COL6A2: variants seen among roughly 807,000 people sequenced by gnomAD.
COL6A2 encodes collagen type VI alpha 2 chain, also known as collagen alpha-2(VI) chain.
COL6A2 carries 90 observed loss-of-function variants against 124.9 expected under a neutral mutation model. The ratio of observed to expected loss-of-function variants is 0.72; its 90% CI spans 0.61 to 0.86. The LOEUF is 0.86. COL6A2 is among the 40% of genes least tolerant of loss of function. The pLI is 0.00. For synonymous variants in COL6A2, 793 were observed against 618.2 expected, an observed-to-expected ratio of 1.28 and a Z score of -4.19; for missense variants, 1,607 against 1,502.5, an observed-to-expected ratio of 1.07 and a Z score of -1.15.
At chr21:46,129,185 C>G in intron 27 of COL6A2, 1 of 1,612,844 alleles carries the variant, frequency 6.2e-7, no homozygotes, top group Non-Finnish European at 8.5e-7. Context: ...TCTCTGGACG[C>G]TCCCTTGCAG....
chr21:46,128,890 G>A (rs1485778281), intron 27 of COL6A2: 1 of 1,608,624 alleles, frequency 6.2e-7, no homozygotes, highest in Non-Finnish European at 8.5e-7. Flanking sequence ...AGTTTGGCCT[G>A]TCTCCGGCAC....
At chr21:46,099,455 C>CAAAAAAA (rs35690093) in intron 1 of COL6A2, among the ~76,000 whole-genome samples, 1 of 68,698 alleles carries the variant, frequency 1.5e-5, no homozygotes. Flanking sequence ...GAGACTGTCT[C>CAAAAAAA]AAAAAAAAAA....
intron 15 of COL6A2, among the ~76,000 whole-genome samples, chr21:46,120,138 C>CACCCCCGGCCCACTGAGGCACCG (rs2078540155): frequency 6.7e-6 from 1 of 150,288 alleles, no homozygotes; most frequent in Non-Finnish European, 1.5e-5. Flanking sequence ...CACTGAGGCA[C>CACCCCCGGCCCACTGAGGCACCG]CTCTTACCCC....
chr21:46,113,085 C>T (rs1308197001), intron 4 of COL6A2: 30 of 586,142 alleles, frequency 5.1e-5, no homozygotes, highest in South Asian at 3.0e-4. Flanking sequence ...GTCTGGCCTC[C>T]GGGCAGGTGG....
In COL6A2 at chr21:46,099,889, C is replaced by CG. The variant is rs1345870090; in HGVS notation, c.-28+1716_-28+1717insG. 3.8e-3 allele frequency among the ~76,000 whole-genome samples: 346 copies of CG among 91,834 alleles called. 15 individuals are homozygous for CG. Among genetic ancestry groups the CG allele is most frequent in the African/African-American group, 4.3e-3 (111 of 26,046 alleles). The allele number at this position is 91,834 out of a possible 152,430, so 60.2% of individuals were successfully genotyped here. On this transcript the variant is annotated intron_variant, in intron 1 of 27. Transcript: ENST00000300527. ...TCTCCACAATGGATAGCAGCACTGT[C>CG]TTTTTTTTTTTTTTTTTTTTTTTCT...
Position 46,126,534 on chromosome 21 carries a change from C to T in COL6A2, c.2454C>T (p.Cys818=), listed in dbSNP as rs199499499. The part of the protein sequence containing the change: ...DPQIVCPDLP[C]QTELSVAQCT... The stretch of plus-strand genomic sequence containing the variant: ...AGATCGTGTGCCCAGACCTTCCCTG[C>T]CAAACAGGTAATGCAGGGCACCCTG... Residue 818 remains cysteine (C), a synonymous_variant, in exon 27 of 28, where the codon TGC becomes TGT. Coordinates refer to ENST00000300527, the MANE Select transcript of COL6A2 (RefSeq NM_001849.4). 4.2e-5 allele frequency: 67 copies of T among 1,613,470 alleles called. No individual in the cohort carries two copies. The highest frequency in any genetic ancestry group is 2.5e-4 in the Admixed American group (15 of 60,018).
intron 27 of COL6A2, among the ~76,000 whole-genome samples, chr21:46,127,413 G>A (rs1454233687): frequency 1.3e-5 from 2 of 152,156 alleles, no homozygotes; most frequent in African/African-American, 4.8e-5. Flanking sequence ...TGCCCCAGGG[G>A]AGGAGCCGTG....
chr21:46,116,566 C>A lies in COL6A2; in HGVS notation c.928-85C>A. 6.2e-7 allele frequency: 1 copy of A among 1,602,200 alleles called. No homozygotes were observed. On this transcript the variant is annotated intron_variant, in intron 8 of 27. Transcript: ENST00000300527. The surrounding 1 kb of genome is among the most constrained non-coding windows in gnomAD (Gnocchi z 4.6). ...GGGGGTCCTGTGGCCTTGAGTTTGG[C>A]CCAAGGGCTTTGCCCCCCAGAGGCA...
At chr21:46,114,728 C>T (rs1460925614) in intron 5 of COL6A2, among the ~76,000 whole-genome samples, 1 of 152,102 alleles carries the variant, frequency 6.6e-6, no homozygotes, top group Non-Finnish European at 1.5e-5. Flanking sequence ...GTTTGAATGT[C>T]CCCTGCATTT....
chr21:46,124,625 G>A (rs1357470683), intron 21 of COL6A2, 26 bp from the exon 22 acceptor site: 2 of 1,612,062 alleles, frequency 1.2e-6, no homozygotes, highest in Non-Finnish European at 1.7e-6. Context: ...GGCCACTGAA[G>A]CCCACCTGTT....
At chr21:46,121,745 G>A (rs1568934706) in intron 18 of COL6A2, 127 bp downstream of exon 18, 1 of 918,684 alleles carries the variant, frequency 1.1e-6, no homozygotes, top group African/African-American at 1.6e-5. Context: ...TGTGCCTCCT[G>A]TTCTCAGCTC....
intron 27 of COL6A2, chr21:46,129,799 C>G (rs1306808976): frequency 8.1e-7 from 1 of 1,227,336 alleles, no homozygotes; most frequent in Non-Finnish European, 1.0e-6. Flanking sequence ...ACCCTTAACT[C>G]ACTCCCGTCT....
intron 21 of COL6A2, among the ~76,000 whole-genome samples, chr21:46,123,308 C>T (rs555613864): frequency 3.3e-5 from 5 of 151,032 alleles, no homozygotes; most frequent in South Asian, 4.2e-4. Flanking sequence ...GAGTCCCCTC[C>T]CCCAAAAGAT....
At position 46,132,694 on chromosome 21, in the gene COL6A2, G is replaced by A; in HGVS notation, c.*142G>A. On this transcript the variant is annotated 3_prime_UTR_variant, in exon 28 of 28. Transcript: ENST00000300527. The stretch of plus-strand genomic sequence containing the variant: ...GCACCTCTCCAGCTCCTCCCACGGG[G>A]TCCCCGTAGCCCCGGCCCCCGCCCA... The A allele has an allele frequency of 1.1e-6, 1 of 887,364 alleles. No individual in the cohort carries two copies. The highest frequency in any genetic ancestry group is 2.2e-5 in the Admixed American group (1 of 45,922). 55.0% of individuals were successfully genotyped at this position (887,364 alleles called of 1,614,324 possible).
Position 46,122,148 on chromosome 21 carries a change from G to C in COL6A2, c.1562G>C (p.Arg521Pro). ...CCTGGATTCAGCTACCCAGGACCCC[G>C]AGGAGCACCCGTGAGTCACAGCCTG... Reference protein sequence around the residue: ...GRPGFSYPGPRGAPGEKGEPG... With the variant: ...GRPGFSYPGPPGAPGEKGEPG... Residue 521 changes from arginine (R) to proline (P), a missense_variant, in exon 19 of 28, where the codon CGA (arginine) becomes CCA (proline). Arg to Pro is a moderately radical substitution (Grantham distance 103). Coordinates refer to ENST00000300527, the MANE Select transcript of COL6A2 (RefSeq NM_001849.4). 6.2e-7 allele frequency: 1 copy of C among 1,612,648 alleles called. No individual in the cohort carries two copies.
At chr21:46,124,222 A>G (rs1344955361) in intron 21 of COL6A2, among the ~76,000 whole-genome samples, 2 of 145,116 alleles carry the variant, frequency 1.4e-5, no homozygotes, top group East Asian at 2.3e-4. Flanking sequence ...GGGTGGATGG[A>G]TGATGGATGG....
chr21:46,107,699 A>T (rs2078349289), intron 1 of COL6A2, among the ~76,000 whole-genome samples: 1 of 152,214 alleles, frequency 6.6e-6, no homozygotes, highest in Non-Finnish European at 1.5e-5. Context: ...TTTCCTTTCT[A>T]TGATCCCAGG....
At chr21:46,099,112 G>T (rs9978055) in intron 1 of COL6A2, 28,439 of 152,374 alleles carry the variant, frequency 0.19, 2,842 homozygotes, top group South Asian at 0.33. Context: ...GGATAACACA[G>T]CTCTGGCTTG....
At chr21:46,130,878 C>T (rs1315837509) in intron 27 of COL6A2, among the ~76,000 whole-genome samples, 1 of 152,228 alleles carries the variant, frequency 6.6e-6, no homozygotes, top group Non-Finnish European at 1.5e-5. Context: ...GGAACCCCAT[C>T]TGCCAGCTCG....
Sources: gnomAD v4.1 joint callset for allele counts (sites outside exome capture counted in the v4.1 genomes callset) on GRCh38, gnomAD v4.1.1 for gene constraint, Gnocchi (gnomAD v3.1) non-coding constraint, MANE v1.5 for transcripts, NCBI Gene and HGNC (gene_info 2026-07-23, HGNC 2026-07-21) for gene names.